Variants in PDPN observed in about 807,000 individuals in gnomAD.
PDPN encodes podoplanin.
Under a neutral mutation model 23.2 loss-of-function variants are expected in PDPN, and 12 were observed. The observed-to-expected ratio is 0.52, with a 90% CI of 0.33 to 0.84. PDPN has a LOEUF of 0.84. Ranked by LOEUF, PDPN falls within the 40% of genes least tolerant of loss-of-function variation. PDPN has a pLI of 0.02. For synonymous variants in PDPN, 77 were observed against 76.7 expected (o/e 1.00, Z -0.02); for missense variants, 199 against 212.2 (o/e 0.94, Z 0.39).
In PDPN at chr1:13,617,330, G is replaced by T. The variant is rs1050566693; in HGVS notation, c.*1419G>T. On this transcript the variant is annotated 3_prime_UTR_variant, in exon 6 of 6. Coordinates refer to ENST00000621990, the MANE Select transcript of PDPN (RefSeq NM_006474.5). ...CTCCCATTTTTTGCAATGATGTCTG[G>T]ATGTTATTTTAAACAGTGTGTCTGT... is the stretch of plus-strand genomic sequence containing the variant. The T allele has an allele frequency of 6.6e-6, 1 of 152,122 alleles. No individual in the cohort carries two copies. Among genetic ancestry groups the T allele is most frequent in the Non-Finnish European group, 1.5e-5 (1 of 68,014 alleles). The allele number at this position is 152,122 out of a possible 1,614,324, so 9.4% of individuals were successfully genotyped here.
At chr1:13,606,365 G>C (rs1014950692) in intron 1 of PDPN, among the ~76,000 whole-genome samples, 5 of 152,116 alleles carry the variant, frequency 3.3e-5, no homozygotes, top group Non-Finnish European at 7.3e-5. Context: ...GCATATTACT[G>C]ACCCTCCCCT....
chr1:13,615,803 T>G, intron 5 of PDPN, 102 bp from the exon 6 acceptor site: 1 of 1,079,716 alleles, frequency 9.3e-7, no homozygotes, highest in South Asian at 1.3e-5. Flanking sequence ...GTGTCAGAAC[T>G]TGGAAGATTT....
intron 1 of PDPN, chr1:13,585,376 G>T (rs1640148296): frequency 1.6e-6 from 1 of 631,336 alleles, no homozygotes; most frequent in Admixed American, 3.6e-5. Context: ...TTTTATAGGG[G>T]CCGTGGGTTA....
At position 13,584,116 on chromosome 1, in the gene PDPN, A is replaced by G. The variant is rs200437395; in HGVS notation, c.67+16A>G. On this transcript the variant is annotated intron_variant, in intron 1 of 5. Coordinates refer to ENST00000621990, the MANE Select transcript of PDPN (RefSeq NM_006474.5). ...GCAGAAGGAGGTAAGACCCAGCGCA[A>G]GTGGCTTCCTGCCGTCGCTGATGGG... 1.2e-6 allele frequency: 2 copies of G among 1,612,278 alleles called. No homozygotes were observed. The highest frequency in any genetic ancestry group is 2.2e-5 in the East Asian group (1 of 44,878).
chr1:13,596,977 G>C (rs1482601672), intron 1 of PDPN, among the ~76,000 whole-genome samples: 1 of 152,090 alleles, frequency 6.6e-6, no homozygotes, highest in Non-Finnish European at 1.5e-5. Context: ...CTACTGTTCG[G>C]GGTGTGTTTA....
intron 1 of PDPN, among the ~76,000 whole-genome samples, chr1:13,587,802 A>G (rs376849071): frequency 5.9e-4 from 90 of 152,248 alleles, no homozygotes; most frequent in South Asian, 1.0e-3. Flanking sequence ...AATTCTGCCA[A>G]TTCCATCCAA....
chr1:13,595,316 G>A (rs865877718), intron 1 of PDPN, among the ~76,000 whole-genome samples: 71 of 152,162 alleles, frequency 4.7e-4, no homozygotes, highest in African/African-American at 1.7e-3. Context: ...GACTTAATGT[G>A]ACTCCTTGCT....
Position 13,611,342 on chromosome 1 carries a change from T to C in PDPN, c.331+826T>C, listed in dbSNP as rs1460017731. Among the ~76,000 whole-genome samples, 4 of 151,774 alleles carry C rather than the reference T, an allele frequency of 2.6e-5. No individual in the cohort carries two copies. In the South Asian group the frequency reaches 6.2e-4, roughly 24 times the overall value. On this transcript the variant is annotated intron_variant, in intron 3 of 5. Coordinates refer to ENST00000621990, the MANE Select transcript of PDPN (RefSeq NM_006474.5). ...AATACAGAAACAACTCAAGTGGCCATGGATAGTTGGATAGATAAGCAAAAT... is the reference window on the plus strand; with the variant it reads ...AATACAGAAACAACTCAAGTGGCCACGGATAGTTGGATAGATAAGCAAAAT...
At chr1:13,590,982 C>A (rs1640327482) in intron 1 of PDPN, among the ~76,000 whole-genome samples, 1 of 151,856 alleles carries the variant, frequency 6.6e-6, no homozygotes, top group Admixed American at 6.6e-5. Flanking sequence ...CGCTCTGTTG[C>A]CCAGGCTGGA....
intron 3 of PDPN, among the ~76,000 whole-genome samples, 171 bp from the exon 4 acceptor site, chr1:13,613,516 G>A (rs2275385): frequency 0.085 from 12,628 of 148,592 alleles, 625 homozygotes; most frequent in East Asian, 0.16. Flanking sequence ...TACAAAGACA[G>A]TGCCACATCG....
intron 1 of PDPN, among the ~76,000 whole-genome samples, chr1:13,599,627 G>A (rs972835141): frequency 4.0e-5 from 6 of 151,816 alleles, no homozygotes; most frequent in South Asian, 2.1e-4. Flanking sequence ...CAAGTGATCC[G>A]TCTACCTTGG....
intron 1 of PDPN, among the ~76,000 whole-genome samples, chr1:13,587,094 A>C (rs1640201495): frequency 6.6e-6 from 1 of 152,252 alleles, no homozygotes; most frequent in Non-Finnish European, 1.5e-5. Flanking sequence ...ACTTGAAATT[A>C]AAGGTTAACC....
At chr1:13,589,929 A>G (rs1640292734) in intron 1 of PDPN, among the ~76,000 whole-genome samples, 1 of 152,088 alleles carries the variant, frequency 6.6e-6, no homozygotes, top group Admixed American at 6.6e-5. Context: ...CCAGGTTCCA[A>G]CCATTCTCCT....
At chr1:13,609,315 G>C (rs1640874631) in intron 2 of PDPN, among the ~76,000 whole-genome samples, 1 of 151,970 alleles carries the variant, frequency 6.6e-6, no homozygotes, top group Non-Finnish European at 1.5e-5. Flanking sequence ...TTCATATTCT[G>C]CTACCCCACC....
chr1:13,601,722 G>A (rs769921811), intron 1 of PDPN, among the ~76,000 whole-genome samples: 97 of 152,312 alleles, frequency 6.4e-4, no homozygotes, highest in Admixed American at 1.7e-3. Context: ...GTGGGGAAAA[G>A]AGGATTTATC....
At chr1:13,608,046 A>T (rs537282628) in intron 2 of PDPN, among the ~76,000 whole-genome samples, 190 of 152,288 alleles carry the variant, frequency 1.2e-3, no homozygotes, top group African/African-American at 4.4e-3. Flanking sequence ...TGGAGGTTGC[A>T]GTGAGCCGAG....
At chr1:13,612,721 T>C (rs1005570411) in intron 3 of PDPN, among the ~76,000 whole-genome samples, 2 of 152,130 alleles carry the variant, frequency 1.3e-5, no homozygotes, top group Admixed American at 6.6e-5. Flanking sequence ...GAGGAGAACC[T>C]TGGCACAAAA....
chr1:13,594,155 CTG>C (rs1018218592), intron 1 of PDPN, among the ~76,000 whole-genome samples: 4 of 152,348 alleles, frequency 2.6e-5, no homozygotes, highest in African/African-American at 9.6e-5. Context: ...GCAGCAGAGA[CTG>C]TGCTAGTGGC....
intron 1 of PDPN, among the ~76,000 whole-genome samples, chr1:13,606,018 T>C (rs1640780126): frequency 6.6e-6 from 1 of 152,048 alleles, no homozygotes; most frequent in African/African-American, 2.4e-5. Flanking sequence ...TCTTTTTTTT[T>C]TGGAGATTGG....
Sources: allele counts gnomAD v4.1 joint callset (sites outside exome capture counted in the v4.1 genomes callset), GRCh38; gene constraint gnomAD v4.1.1; transcripts MANE v1.5; gene names NCBI Gene and HGNC (gene_info 2026-07-23, HGNC 2026-07-21).